Variants in SLC35F4 observed in about 807,000 individuals in gnomAD.
SLC35F4 encodes solute carrier family 35 member F4, also known as chromosome 14 open reading frame 36.
Under a neutral mutation model 44.2 loss-of-function variants are expected in SLC35F4, and 24 were observed. The ratio of observed to expected loss-of-function variants is 0.54; its 90% CI spans 0.39 to 0.76. The LOEUF (loss-of-function observed/expected upper bound fraction) is 0.76, where lower values mean the gene tolerates loss of function less well. Among genes scored for constraint, SLC35F4 ranks in the 30% least tolerant of loss-of-function variants. The pLI, the probability that SLC35F4 is intolerant of heterozygous loss-of-function variation, is 0.00. For missense variants in SLC35F4, 562 were observed against 586.1 expected (o/e 0.96, Z 0.42); for synonymous variants, 238 against 223.6 (o/e 1.06, Z -0.57).
intron 1 of SLC35F4, among the ~76,000 whole-genome samples, chr14:57,762,195 C>G (rs17093665): frequency 0.021 from 3,127 of 152,234 alleles, 91 homozygotes; most frequent in African/African-American, 0.071. Flanking sequence ...AAACATGAAA[C>G]GCTGCCTCCC....
At chr14:57,784,404 C>G (rs1483705634) in intron 1 of SLC35F4, among the ~76,000 whole-genome samples, 2 of 152,140 alleles carry the variant, frequency 1.3e-5, no homozygotes, top group African/African-American at 4.8e-5. Context: ...ATTTTTAGGG[C>G]TGGGTGTACT....
At chr14:57,872,273 C>A (rs1003962437) in intron 1 of SLC35F4, among the ~76,000 whole-genome samples, 1 of 151,954 alleles carries the variant, frequency 6.6e-6, no homozygotes, top group Non-Finnish European at 1.5e-5. Flanking sequence ...CTGTGATTCC[C>A]ATCAGTAGAA....
chr14:57,613,437 T>A lies in SLC35F4; in HGVS notation c.104-19313A>T, dbSNP rs146243156. Among the ~76,000 whole-genome samples the A allele has an allele frequency of 1.9e-3, 286 of 152,288 alleles. 1 individual carries two copies. Among genetic ancestry groups the A allele is most frequent in the African/African-American group, 5.9e-3 (246 of 41,558 alleles). On this transcript the variant is annotated intron_variant, in intron 1 of 7. Coordinates refer to ENST00000556826, the MANE Select transcript of SLC35F4 (RefSeq NM_001306087.2). Reference sequence around the variant, plus strand: ...GCGGTCTGTGCTCCTATGTCCCCTGTCCTCCCCCAACAATGGGTCACTCAG... The same window carrying A: ...GCGGTCTGTGCTCCTATGTCCCCTGACCTCCCCCAACAATGGGTCACTCAG...
Position 57,564,131 on chromosome 14 carries a change from C to T in SLC35F4, c.*4G>A, listed in dbSNP as rs1046842629. The T allele has an allele frequency of 9.3e-6, 15 of 1,613,348 alleles. No individual in the cohort carries two copies. Among genetic ancestry groups the T allele is most frequent in the Non-Finnish European group, 1.2e-5 (14 of 1,179,580 alleles). ...ATACACGTGCATTCAAAATATGTCC[C>T]TCTCTAAGCCAGTGGTATAGACACT... is the stretch of plus-strand genomic sequence containing the variant. On this transcript the variant is annotated 3_prime_UTR_variant, in exon 8 of 8. Coordinates refer to ENST00000556826, the MANE Select transcript of SLC35F4 (RefSeq NM_001306087.2).
intron 1 of SLC35F4, among the ~76,000 whole-genome samples, chr14:57,977,178 G>A (rs1881243322): frequency 6.6e-6 from 1 of 152,088 alleles, no homozygotes; most frequent in East Asian, 1.9e-4. Flanking sequence ...ATAGTGCTTA[G>A]GGGAATTTTT....
chr14:57,595,333 G>A (rs113663207), intron 1 of SLC35F4, among the ~76,000 whole-genome samples: 1 of 152,198 alleles, frequency 6.6e-6, no homozygotes, highest in Non-Finnish European at 1.5e-5. Context: ...TATAGTATCA[G>A]TCATGACATG....
intron 1 of SLC35F4, among the ~76,000 whole-genome samples, chr14:57,644,030 G>C (rs569565892): frequency 6.6e-6 from 1 of 152,280 alleles, no homozygotes; most frequent in East Asian, 1.9e-4. Context: ...TTGGACATTT[G>C]GGTTGGTTCC....
Position 57,602,595 on chromosome 14 carries a change from T to G in SLC35F4, c.104-8471A>C, listed in dbSNP as rs979347782. 4 of 152,152 alleles carry G rather than the reference T, an allele frequency of 2.6e-5. No homozygotes were observed. The East Asian group carries it at 5.8e-4, about 22-fold the overall frequency. 9.4% of individuals were successfully genotyped at this position (152,152 alleles called of 1,614,324 possible). A position where few individuals can be genotyped will look rare whatever the true frequency, so the allele number is the denominator to read the frequency against. On this transcript the variant is annotated intron_variant, in intron 1 of 7. Transcript: ENST00000556826. ...AGTATTAATAATGGTGTTAAGAACA[T>G]AAACAATGCACAATAATCATACCTT...
chr14:57,906,329 T>C (rs1889102881), intron 1 of SLC35F4, among the ~76,000 whole-genome samples: 2 of 152,204 alleles, frequency 1.3e-5, no homozygotes, highest in Admixed American at 1.3e-4. Context: ...CCTGCATATA[T>C]TGTACTGCAC....
At chr14:57,617,544 T>C (rs76670904) in intron 1 of SLC35F4, among the ~76,000 whole-genome samples, 10,022 of 152,266 alleles carry the variant, frequency 0.066, 934 homozygotes, top group African/African-American at 0.21. Context: ...ATTTACTCAA[T>C]ACCTTGCATG....
exon 1 of SLC35F4, chr14:57,982,047 G>A (rs1287672318): frequency 2.6e-5 from 4 of 152,040 alleles, no homozygotes; most frequent in African/African-American, 4.8e-5. Flanking sequence ...CTCTTCCAAG[G>A]AGACTCTGAC....
At chr14:57,887,744 G>T (rs937883927) in intron 1 of SLC35F4, among the ~76,000 whole-genome samples, 7 of 152,176 alleles carry the variant, frequency 4.6e-5, no homozygotes, top group Admixed American at 2.0e-4. Flanking sequence ...GATTAGCAGA[G>T]CTCCTGTCAG....
intron 1 of SLC35F4, among the ~76,000 whole-genome samples, chr14:57,745,840 TC>T (rs1481922593): frequency 6.6e-5 from 10 of 152,102 alleles, no homozygotes; most frequent in Non-Finnish European, 1.5e-4. Flanking sequence ...AACCCAAATG[TC>T]CATCAATGAT....
intron 1 of SLC35F4, among the ~76,000 whole-genome samples, chr14:57,721,984 A>G (rs1218959173): frequency 1.6e-5 from 2 of 121,802 alleles, no homozygotes; most frequent in African/African-American, 6.0e-5. Context: ...TTCCAGATCT[A>G]TAACTAAAGT....
intron 1 of SLC35F4, among the ~76,000 whole-genome samples, chr14:57,636,574 T>C (rs1321517593): frequency 6.6e-6 from 1 of 152,112 alleles, no homozygotes; most frequent in African/African-American, 2.4e-5. Flanking sequence ...GCTTTCCAAA[T>C]AGATATTCTA....
At chr14:57,956,066 C>G (rs973686255) in intron 1 of SLC35F4, among the ~76,000 whole-genome samples, 4 of 152,126 alleles carry the variant, frequency 2.6e-5, no homozygotes, top group African/African-American at 7.2e-5. Context: ...ATAAACAAAA[C>G]AGCATGGTAC....
intron 1 of SLC35F4, among the ~76,000 whole-genome samples, chr14:57,836,436 G>T (rs1016859066): frequency 6.6e-6 from 1 of 152,064 alleles, no homozygotes; most frequent in Non-Finnish European, 1.5e-5. Flanking sequence ...GGGACTACAG[G>T]CATGCGCCAT....
intron 1 of SLC35F4, among the ~76,000 whole-genome samples, chr14:57,619,446 G>C (rs538095999): frequency 1.9e-4 from 29 of 152,296 alleles, no homozygotes; most frequent in Middle Eastern, 6.8e-3. Context: ...CTGCAGCAGA[G>C]GGGCCTGGCT....
At chr14:57,935,252 C>A (rs1889775805) in intron 1 of SLC35F4, among the ~76,000 whole-genome samples, 1 of 152,102 alleles carries the variant, frequency 6.6e-6, no homozygotes, top group East Asian at 1.9e-4. Context: ...AGCTAAATCC[C>A]AAGTCTATAG....
Sources: gnomAD v4.1 joint callset for allele counts (sites outside exome capture counted in the v4.1 genomes callset) on GRCh38, gnomAD v4.1.1 for gene constraint, MANE v1.5 for transcripts, NCBI Gene and HGNC (gene_info 2026-07-23, HGNC 2026-07-21) for gene names.